The following NRIP1 variants were observed in gnomAD, a reference collection of about 807,000 sequenced individuals.
The protein encoded by NRIP1 is nuclear receptor interacting protein 1.
Under a neutral mutation model 75.0 loss-of-function variants are expected in NRIP1, and 28 were observed. The ratio of observed to expected loss-of-function variants is 0.37; its 90% confidence interval spans 0.28 to 0.51. The LOEUF (loss-of-function observed/expected upper bound fraction) is 0.51, where lower values mean the gene tolerates loss of function less well. NRIP1 is among the 20% of genes least tolerant of loss of function. The pLI is 0.92. For synonymous variants in NRIP1, 526 were observed against 487.6 expected, an observed-to-expected ratio of 1.08 and a Z score of -1.04; for missense variants, 1,435 against 1,343.7, an observed-to-expected ratio of 1.07 and a Z score of -1.06.
chr21:14,982,365 C>A (rs2087260756), intron 3 of NRIP1, among the ~76,000 whole-genome samples: 1 of 152,160 alleles, frequency 6.6e-6, no homozygotes, highest in African/African-American at 2.4e-5. Context: ...GAACCTTCTG[C>A]TTAGTGCCCT....
intron 1 of NRIP1, among the ~76,000 whole-genome samples, chr21:15,055,969 AAAAAGG>A (rs1453093211): frequency 6.6e-6 from 1 of 152,162 alleles, no homozygotes. Flanking sequence ...ATTAAGAAAT[AAAAAGG>A]AAAACAGAGT....
intron 3 of NRIP1, among the ~76,000 whole-genome samples, chr21:14,985,774 C>T (rs2087382710): frequency 6.6e-6 from 1 of 152,028 alleles, no homozygotes; most frequent in Admixed American, 6.6e-5. Context: ...TTCAAAATAC[C>T]AGTTCCATCA....
intron 3 of NRIP1, among the ~76,000 whole-genome samples, chr21:14,969,869 C>T (rs542543233): frequency 6.6e-6 from 1 of 152,288 alleles, no homozygotes; most frequent in African/African-American, 2.4e-5. Flanking sequence ...CAATTAATTT[C>T]AACTGTGTAA....
chr21:15,037,330 T>C (rs1204223200), intron 2 of NRIP1, among the ~76,000 whole-genome samples: 2 of 152,224 alleles, frequency 1.3e-5, no homozygotes, highest in African/African-American at 4.8e-5. Flanking sequence ...GATGAACTTT[T>C]ATCTTTTTTG....
intron 3 of NRIP1, among the ~76,000 whole-genome samples, chr21:15,005,821 G>C (rs894362887): frequency 2.5e-4 from 38 of 152,224 alleles, no homozygotes; most frequent in African/African-American, 7.7e-4. Flanking sequence ...CAATCACAAA[G>C]AATGGGGCAG....
chr21:15,065,805 A>C (rs541218713), upstream of NRIP1: 1 of 152,544 alleles, frequency 6.6e-6, no homozygotes, highest in Admixed American at 6.5e-5. Flanking sequence ...TGTCACTGCG[A>C]AGTCTCCAGC....
intron 3 of NRIP1, among the ~76,000 whole-genome samples, chr21:14,999,708 A>T (rs1312124289): frequency 5.9e-5 from 9 of 152,186 alleles, no homozygotes; most frequent in Non-Finnish European, 1.5e-5. Context: ...CCTACTGCTC[A>T]AGAACTCCAG....
intron 2 of NRIP1, among the ~76,000 whole-genome samples, chr21:15,032,658 G>C (rs2088732054): frequency 6.6e-6 from 1 of 152,202 alleles, no homozygotes; most frequent in Non-Finnish European, 1.5e-5. Flanking sequence ...TTAGTCCAGA[G>C]AGGATGTCTT....
chr21:14,998,833 T>A (rs1201505787), intron 3 of NRIP1, among the ~76,000 whole-genome samples: 1 of 152,200 alleles, frequency 6.6e-6, no homozygotes, highest in Admixed American at 6.5e-5. Flanking sequence ...GTCAATCAAC[T>A]GTTTTAATGT....
chr21:14,965,998 G>A lies in NRIP1; in HGVS notation c.2195C>T (p.Pro732Leu), dbSNP rs781515925. Residue 732 changes from proline to leucine, a missense_variant, in exon 4 of 4, where the codon CCC becomes CTC. Coordinates refer to ENST00000318948, the MANE Select transcript of NRIP1 (RefSeq NM_003489.4). Reference protein sequence around the residue: ...KGKSEKKEKTPLRDESTQEHS... With the variant: ...KGKSEKKEKTLLRDESTQEHS... ...TTCCTGAGTACTTTCATCTCTTAAG[G>A]GAGTTTTCTCTTTTTTTTCACTCTT... The A allele has an allele frequency of 2.5e-6, 4 of 1,612,190 alleles. No homozygotes were observed. The Admixed American group carries it at 5.0e-5, about 20-fold the overall frequency.
chr21:14,994,132 G>T (rs1402830363), intron 3 of NRIP1, among the ~76,000 whole-genome samples: 1 of 151,676 alleles, frequency 6.6e-6, no homozygotes, highest in African/African-American at 2.4e-5. Context: ...TTTGGGGGTG[G>T]GGTGGGGGCG....
At chr21:15,014,979 T>C (rs1440304554) in intron 2 of NRIP1, among the ~76,000 whole-genome samples, 1 of 152,080 alleles carries the variant, frequency 6.6e-6, no homozygotes, top group Non-Finnish European at 1.5e-5. Flanking sequence ...ATGCCCAAAG[T>C]AGATTTATTT....
chr21:15,026,725 T>C (rs1364393785), intron 2 of NRIP1, among the ~76,000 whole-genome samples: 1 of 152,074 alleles, frequency 6.6e-6, no homozygotes, highest in Non-Finnish European at 1.5e-5. Flanking sequence ...ACCATCCAAA[T>C]GTCCACACAG....
intron 2 of NRIP1, among the ~76,000 whole-genome samples, chr21:15,015,808 TTC>T (rs1229385707): frequency 1.3e-5 from 2 of 152,238 alleles, no homozygotes; most frequent in East Asian, 1.9e-4. Flanking sequence ...TTGTTATTTT[TTC>T]TTTTTGCTGA....
At chr21:15,004,604 C>T (rs2087921717) in intron 3 of NRIP1, among the ~76,000 whole-genome samples, 1 of 152,214 alleles carries the variant, frequency 6.6e-6, no homozygotes, top group Non-Finnish European at 1.5e-5. Context: ...GGGAGCAGAT[C>T]CAATATGGCT....
At chr21:14,978,209 A>G (rs998757758) in intron 3 of NRIP1, among the ~76,000 whole-genome samples, 20 of 152,344 alleles carry the variant, frequency 1.3e-4, no homozygotes, top group African/African-American at 3.8e-4. Context: ...ACACATGTAT[A>G]TGAGGACCCC....
At chr21:15,041,076 G>A (rs1483334789) in intron 2 of NRIP1, among the ~76,000 whole-genome samples, 1 of 151,968 alleles carries the variant, frequency 6.6e-6, no homozygotes, top group East Asian at 1.9e-4. Context: ...CTTATTTGCA[G>A]ACACAAACTC....
chr21:15,041,512 C>T (rs2088953731), intron 2 of NRIP1, among the ~76,000 whole-genome samples: 2 of 152,092 alleles, frequency 1.3e-5, no homozygotes, highest in Non-Finnish European at 2.9e-5. Context: ...TTAAAAGGAC[C>T]TTATGCATTA....
chr21:15,030,611 T>A (rs1012485114), intron 2 of NRIP1, among the ~76,000 whole-genome samples: 7 of 151,822 alleles, frequency 4.6e-5, no homozygotes, highest in Non-Finnish European at 1.5e-5. Context: ...AAATATAGAG[T>A]TCTAATAAGT....
Sources: gnomAD v4.1 joint callset for allele counts (sites outside exome capture counted in the v4.1 genomes callset) on GRCh38, gnomAD v4.1.1 for gene constraint, MANE v1.5 for transcripts, NCBI Gene and HGNC (gene_info 2026-07-23, HGNC 2026-07-21) for gene names.